LINGO2: variants seen among roughly 807,000 people sequenced by gnomAD.
The protein encoded by LINGO2 is leucine rich repeat and Ig domain containing 2, also known as leucine-rich repeat and immunoglobulin-like domain-containing nogo receptor-interacting protein 2.
LINGO2 carries 14 observed loss-of-function variants against 30.6 expected under a neutral mutation model. That is an observed-to-expected ratio of 0.46 (90% confidence interval 0.30 to 0.72). The LOEUF is 0.72. Among genes scored for constraint, LINGO2 ranks in the 30% least tolerant of loss-of-function variants. LINGO2 has a pLI of 0.07. For missense variants in LINGO2, 729 were observed against 751.7 expected, an observed-to-expected ratio of 0.97 and a Z score of 0.35; for synonymous variants, 317 against 288.5, an observed-to-expected ratio of 1.10 and a Z score of -1.00.
chr9:28,018,994 T>C (rs1212688909), intron 4 of LINGO2, among the ~76,000 whole-genome samples: 1 of 152,120 alleles, frequency 6.6e-6, no homozygotes. Flanking sequence ...TGAGTGGAGC[T>C]GGGGGCCATC....
At chr9:28,714,072 T>C in the LINGO2 span, among the ~76,000 whole-genome samples, 3 of 151,212 alleles carry the variant, frequency 2.0e-5, no homozygotes, top group Non-Finnish European at 4.4e-5. Flanking sequence ...GGCAGGAGAA[T>C]CGCTTGAACC....
At chr9:28,849,553 C>T in the LINGO2 span, among the ~76,000 whole-genome samples, 1 of 151,876 alleles carries the variant, frequency 6.6e-6, no homozygotes, top group African/African-American at 2.4e-5. Context: ...TGGCATAGTC[C>T]ATAATTAACA....
chr9:28,167,889 C>T (rs563874911), intron 4 of LINGO2, among the ~76,000 whole-genome samples: 2 of 152,320 alleles, frequency 1.3e-5, no homozygotes, highest in African/African-American at 4.8e-5. Flanking sequence ...GCACAGTAGT[C>T]ATCTCCTTCT....
the LINGO2 span, among the ~76,000 whole-genome samples, chr9:28,890,467 C>T: frequency 1.3e-5 from 2 of 151,954 alleles, no homozygotes; most frequent in South Asian, 4.1e-4. Context: ...AAGAAGAATG[C>T]CACAATGAAT....
At chr9:28,396,958 C>T (rs558977744) in intron 2 of LINGO2, among the ~76,000 whole-genome samples, 1 of 152,096 alleles carries the variant, frequency 6.6e-6, no homozygotes, top group East Asian at 1.9e-4. Flanking sequence ...CACTATCCTT[C>T]AAGATGATTT....
chr9:28,200,165 A>G (rs1250075724), intron 4 of LINGO2, among the ~76,000 whole-genome samples: 1 of 152,204 alleles, frequency 6.6e-6, no homozygotes, highest in African/African-American at 2.4e-5. Context: ...ACAAAGCAAT[A>G]AACATTTAAG....
At chr9:29,008,678 C>G in the LINGO2 span, among the ~76,000 whole-genome samples, 1 of 152,032 alleles carries the variant, frequency 6.6e-6, no homozygotes. Flanking sequence ...TGATGGCCAG[C>G]GATGATGAGC....
intron 5 of LINGO2, among the ~76,000 whole-genome samples, chr9:28,007,908 C>A (rs1822346605): frequency 6.6e-6 from 1 of 152,164 alleles, no homozygotes; most frequent in Non-Finnish European, 1.5e-5. Context: ...GTCACTCAAA[C>A]AAGCCTAATG....
intron 1 of LINGO2, among the ~76,000 whole-genome samples, chr9:28,576,198 T>C (rs540700837): frequency 8.9e-4 from 136 of 152,334 alleles, no homozygotes; most frequent in Non-Finnish European, 1.3e-3. Context: ...TCTCAATTAT[T>C]CACCCTTGTG....
At chr9:29,203,508 C>T in the LINGO2 span, among the ~76,000 whole-genome samples, 10 of 152,298 alleles carry the variant, frequency 6.6e-5, no homozygotes, top group Middle Eastern at 3.4e-3. Context: ...CACAAGCTCC[C>T]TCTCTCACAC....
At chr9:27,944,702 A>C (rs2118179781), downstream of LINGO2, among the ~76,000 whole-genome samples, 1 of 152,304 alleles carries the variant, frequency 6.6e-6, no homozygotes, top group Admixed American at 6.5e-5. Context: ...TATGAGTCTA[A>C]CAAACAGGGA....
chr9:28,396,626 C>A (rs112588766), intron 2 of LINGO2, among the ~76,000 whole-genome samples: 2 of 137,984 alleles, frequency 1.4e-5, no homozygotes, highest in African/African-American at 2.7e-5. Flanking sequence ...ATGGCGTGAA[C>A]CCGGGAGGCG....
the LINGO2 span, among the ~76,000 whole-genome samples, chr9:28,903,908 C>A: frequency 4.0e-5 from 2 of 49,954 alleles, no homozygotes; most frequent in Non-Finnish European, 9.7e-5. Flanking sequence ...AAGACAGGGA[C>A]AGTGTAAAAA....
intron 1 of LINGO2, among the ~76,000 whole-genome samples, chr9:28,481,551 A>G (rs13295261): frequency 6.6e-6 from 1 of 151,862 alleles, no homozygotes. Flanking sequence ...TCAAATGCTA[A>G]CTCCCTCTAT....
At chr9:28,864,137 C>G in the LINGO2 span, among the ~76,000 whole-genome samples, 3 of 152,062 alleles carry the variant, frequency 2.0e-5, no homozygotes, top group Non-Finnish European at 2.9e-5. Context: ...AAGATATCCT[C>G]AGTTACTTAG....
chr9:28,853,068 C>T, the LINGO2 span, among the ~76,000 whole-genome samples: 1 of 151,988 alleles, frequency 6.6e-6, no homozygotes, highest in Non-Finnish European at 1.5e-5. Context: ...ATGTGGCTCC[C>T]AGCTTTTATT....
intron 1 of LINGO2, among the ~76,000 whole-genome samples, chr9:28,636,934 C>T (rs182192313): frequency 7.7e-4 from 117 of 152,242 alleles, no homozygotes; most frequent in Middle Eastern, 3.4e-3. Flanking sequence ...AGGTTTTCTT[C>T]TAGGGTTTTT....
chr9:28,155,919 C>T (rs967574185), intron 4 of LINGO2, among the ~76,000 whole-genome samples: 2 of 152,170 alleles, frequency 1.3e-5, no homozygotes, highest in African/African-American at 4.8e-5. Flanking sequence ...ACTGAATCAT[C>T]AGGCAACTTG....
At chr9:29,074,768 C>T in the LINGO2 span, among the ~76,000 whole-genome samples, 1 of 148,136 alleles carries the variant, frequency 6.8e-6, no homozygotes, top group African/African-American at 2.5e-5. Context: ...TCACTGCAGC[C>T]TCTGCCTCCC....
Sources: allele counts gnomAD v4.1 joint callset (sites outside exome capture counted in the v4.1 genomes callset), GRCh38; gene constraint gnomAD v4.1.1; transcripts MANE v1.5; gene names NCBI Gene and HGNC (gene_info 2026-07-23, HGNC 2026-07-21).